Variants in RPRD2 observed in about 807,000 individuals in gnomAD.
RPRD2 encodes regulation of nuclear pre-mRNA domain containing 2.
In RPRD2, 12 loss-of-function variants were observed where a neutral mutation model predicts 104.4. The ratio of observed to expected loss-of-function variants is 0.11; its 90% CI spans 0.07 to 0.19. RPRD2 has a LOEUF of 0.19. Ranked by LOEUF, RPRD2 falls within the 10% of genes least tolerant of loss-of-function variation. RPRD2 has a pLI of 1.00. For missense variants in RPRD2, 1,543 were observed against 1,790.1 expected (o/e 0.86, Z 2.49); for synonymous variants, 714 against 684.9 (o/e 1.04, Z -0.66).
intron 7 of RPRD2, among the ~76,000 whole-genome samples, chr1:150,452,657 T>TCC (rs200698569): frequency 2.4e-5 from 3 of 123,796 alleles, no homozygotes; most frequent in African/African-American, 6.8e-5. Context: ...TTTTGACATA[T>TCC]CCCCTTTTTT....
At chr1:150,379,648 C>T (rs1227200086) in intron 1 of RPRD2, among the ~76,000 whole-genome samples, 3 of 152,096 alleles carry the variant, frequency 2.0e-5, no homozygotes, top group African/African-American at 4.8e-5. Context: ...GTGATCTGCC[C>T]GCCTCGGCCT....
intron 1 of RPRD2, among the ~76,000 whole-genome samples, chr1:150,402,764 C>T (rs892746399): frequency 2.6e-5 from 4 of 152,048 alleles, no homozygotes; most frequent in South Asian, 4.1e-4. Flanking sequence ...GTCGGGAGTT[C>T]GATACCAGCC....
At chr1:150,369,714 C>T (rs1331918810) in intron 1 of RPRD2, among the ~76,000 whole-genome samples, 1 of 149,958 alleles carries the variant, frequency 6.7e-6, no homozygotes, top group Non-Finnish European at 1.5e-5. Flanking sequence ...GCCTCAGCCT[C>T]CCAAAGTGCT....
At chr1:150,384,450 C>CATCATTATTATTATT (rs1553881396) in intron 1 of RPRD2, among the ~76,000 whole-genome samples, 2 of 132,346 alleles carry the variant, frequency 1.5e-5, no homozygotes, top group East Asian at 2.2e-4. Flanking sequence ...GCATCATCAT[C>CATCATTATTATTATT]ATTATTATTA....
intron 10 of RPRD2, among the ~76,000 whole-genome samples, chr1:150,467,285 TTGA>T (rs772062601): frequency 3.3e-5 from 5 of 152,214 alleles, no homozygotes; most frequent in Admixed American, 6.5e-5. Context: ...CAATAAAGAA[TTGA>T]TGATGACTGC....
Position 150,384,494 on chromosome 1 carries a change from G to T in RPRD2, c.205+19575G>T, listed in dbSNP as rs868935296. Among the ~76,000 whole-genome samples, 581 of 124,552 alleles carry T rather than the reference G, an allele frequency of 4.7e-3. 8 individuals are homozygous for T. Among genetic ancestry groups the T allele is most frequent in the African/African-American group, 0.017 (532 of 30,480 alleles). 81.7% of individuals were successfully genotyped at this position (124,552 alleles called of 152,430 possible). A position where few individuals can be genotyped will look rare whatever the true frequency, so the allele number is the denominator to read the frequency against. ...ATTATTATTATTATTATTATTATTAGGGATGGAGCTCTTGTTGCCCAGGCT... is the reference window on the plus strand; with the variant it reads ...ATTATTATTATTATTATTATTATTATGGATGGAGCTCTTGTTGCCCAGGCT... On this transcript the variant is annotated intron_variant, in intron 1 of 10. Transcript: ENST00000369068.
intron 1 of RPRD2, among the ~76,000 whole-genome samples, chr1:150,375,123 T>C (rs1010827066): frequency 2.6e-5 from 4 of 152,150 alleles, no homozygotes; most frequent in Non-Finnish European, 4.4e-5. Flanking sequence ...ACTATAATTA[T>C]TGTAATGGTA....
At chr1:150,390,384 T>C (rs1337280058) in intron 1 of RPRD2, among the ~76,000 whole-genome samples, 5 of 152,000 alleles carry the variant, frequency 3.3e-5, no homozygotes. Context: ...GTAGTCTCCC[T>C]GCTGCTCGGG....
At chr1:150,384,122 A>C (rs765659919) in intron 1 of RPRD2, among the ~76,000 whole-genome samples, 5 of 152,142 alleles carry the variant, frequency 3.3e-5, no homozygotes, top group Non-Finnish European at 7.3e-5. Context: ...AGCATTTTCC[A>C]AACTTATTTG....
In RPRD2 at chr1:150,471,981, T is replaced by A. The variant is rs771368148; in HGVS notation, c.3033T>A (p.Asn1011Lys). The A allele has an allele frequency of 7.4e-6, 12 of 1,613,812 alleles. No homozygotes were observed. The Admixed American group carries it at 2.0e-4, about 27-fold the overall frequency. The change falls in exon 11 of 11, where the codon AAT (asparagine) becomes AAA (lysine). Residue 1011 changes from asparagine (N) to lysine (K), a missense_variant. Transcript: ENST00000369068. The surrounding 1 kb of genome is among the most constrained non-coding windows in gnomAD (Gnocchi z 5.3). ...CCACGTCGACGATTGAATTTAAGAA[T>A]ATGCTTAAAAACGCCTCACGTAAGC... ...ISTTSTIEFK[N>K]MLKNASRKPS...
chr1:150,461,915 G>A (rs1667959128), intron 9 of RPRD2, among the ~76,000 whole-genome samples: 2 of 151,916 alleles, frequency 1.3e-5, no homozygotes, highest in Non-Finnish European at 2.9e-5. Flanking sequence ...AGGAGGCGGA[G>A]CTTGCAGTGA....
At chr1:150,417,119 T>C (rs1279084453) in intron 1 of RPRD2, among the ~76,000 whole-genome samples, 2 of 152,158 alleles carry the variant, frequency 1.3e-5, no homozygotes, top group Non-Finnish European at 2.9e-5. Flanking sequence ...ACAAAGCCCA[T>C]GCTCTTTCTA....
chr1:150,374,436 A>G (rs1203095653), intron 1 of RPRD2, among the ~76,000 whole-genome samples: 4 of 152,204 alleles, frequency 2.6e-5, no homozygotes, highest in African/African-American at 9.6e-5. Context: ...CTGCTCAAGC[A>G]AATTAATGGA....
intron 1 of RPRD2, among the ~76,000 whole-genome samples, chr1:150,370,061 C>T (rs879963051): frequency 6.6e-5 from 10 of 152,210 alleles, no homozygotes; most frequent in Admixed American, 4.6e-4. Flanking sequence ...GGATTACAGG[C>T]GTGAGCCACC....
chr1:150,471,417 A>G lies in RPRD2; in HGVS notation c.2469A>G (p.Pro823=), dbSNP rs1570807047. 1.2e-6 allele frequency: 2 copies of G among 1,613,962 alleles called. No homozygotes were observed. Among genetic ancestry groups the G allele is most frequent in the Non-Finnish European group, 1.7e-6 (2 of 1,179,868 alleles). ...ACTCTTCACAGGAAAAGTTCTACCC[A>G]GATACTTCTTTCCAAGAAGATGAGG... ...LMDSSQEKFY[P]DTSFQEDEDY... The change falls in exon 11 of 11, where the codon CCA becomes CCG. Residue 823 remains proline (P), a synonymous_variant. Coordinates refer to ENST00000369068, the MANE Select transcript of RPRD2 (RefSeq NM_015203.5). The surrounding 1 kb of genome is among the most constrained non-coding windows in gnomAD (Gnocchi z 5.3).
chr1:150,473,577 AAAGT>A lies in RPRD2; in HGVS notation c.*246_*249del, dbSNP rs1413424127. The A allele has an allele frequency of 8.5e-6, 2 of 235,088 alleles. No homozygotes were observed. The highest frequency in any genetic ancestry group is 1.3e-4 in the South Asian group (1 of 7,822). 14.6% of individuals were successfully genotyped at this position (235,088 alleles called of 1,614,324 possible). Reference sequence around the variant, plus strand: ...GTATTAAAAAAAAAAAAAAAAAAAAAAAGTAAAGAAACACAACCAAAGCCATTTC... The same window carrying A: ...GTATTAAAAAAAAAAAAAAAAAAAAAAAAGAAACACAACCAAAGCCATTTC... On this transcript the variant is annotated 3_prime_UTR_variant, in exon 11 of 11. Transcript: ENST00000369068.
chr1:150,415,271 G>A (rs1040614131), intron 1 of RPRD2, among the ~76,000 whole-genome samples: 52 of 152,144 alleles, frequency 3.4e-4, no homozygotes, highest in Admixed American at 2.8e-3. Context: ...GGCGGAGGTT[G>A]CAGTGAGCCG....
rs1668827828 is a variant in RPRD2, at chr1:150,475,108, C to T, written c.*1774C>T. 6.6e-6 allele frequency: 1 copy of T among 152,166 alleles called. No homozygotes were observed. Among genetic ancestry groups the T allele is most frequent in the Non-Finnish European group, 1.5e-5 (1 of 68,052 alleles). 9.4% of individuals were successfully genotyped at this position (152,166 alleles called of 1,614,324 possible). ...AACTGTTCTTTCTTTCCTCGACCCT[C>T]TCTGCCCTGTAGCTCTCCCCACAAA... On this transcript the variant is annotated 3_prime_UTR_variant, in exon 11 of 11. Coordinates refer to ENST00000369068, the MANE Select transcript of RPRD2 (RefSeq NM_015203.5).
chr1:150,441,802 G>C (rs1296756671), intron 3 of RPRD2, 79 bp from the exon 4 acceptor site: 5 of 888,464 alleles, frequency 5.6e-6, no homozygotes, highest in African/African-American at 1.7e-5. Flanking sequence ...CTTTTTTCAT[G>C]CTGCAACTTT....
Sources: allele counts gnomAD v4.1 joint callset (sites outside exome capture counted in the v4.1 genomes callset), GRCh38; gene constraint gnomAD v4.1.1; non-coding constraint Gnocchi (gnomAD v3.1); transcripts MANE v1.5; gene names NCBI Gene and HGNC (gene_info 2026-07-23, HGNC 2026-07-21).